SEMA3A: variants seen among roughly 807,000 people sequenced by gnomAD.
SEMA3A encodes the protein semaphorin 3A, also known as semaphorin-3A.
A neutral mutation model predicts 97.9 loss-of-function variants in SEMA3A; 29 were observed. That is an observed-to-expected ratio of 0.30 (90% CI 0.22 to 0.40). The LOEUF (loss-of-function observed/expected upper bound fraction) is 0.40, where lower values mean the gene tolerates loss of function less well. SEMA3A is among the 10% of genes least tolerant of loss of function. The pLI, the probability that SEMA3A is intolerant of heterozygous loss-of-function variation, is 1.00. For missense variants in SEMA3A, 763 were observed against 951.3 expected, an observed-to-expected ratio of 0.80 and a Z score of 2.60; for synonymous variants, 321 against 323.7, an observed-to-expected ratio of 0.99 and a Z score of 0.09.
chr7:84,001,340 T>G (rs2116385607), intron 12 of SEMA3A, among the ~76,000 whole-genome samples: 3 of 141,372 alleles, frequency 2.1e-5, no homozygotes, highest in South Asian at 2.6e-4. Flanking sequence ...CGTACCCCCA[T>G]TCCTCCAACC....
intron 1 of SEMA3A, among the ~76,000 whole-genome samples, chr7:84,135,850 T>A (rs533151079): frequency 6.6e-6 from 1 of 152,316 alleles, no homozygotes; most frequent in Admixed American, 6.5e-5. Flanking sequence ...TGAATTAAAT[T>A]AATTTTACCA....
At chr7:84,158,147 T>TG (rs1796906521) in intron 1 of SEMA3A, among the ~76,000 whole-genome samples, 2 of 139,316 alleles carry the variant, frequency 1.4e-5, no homozygotes, top group Non-Finnish European at 3.1e-5. Flanking sequence ...AACAGCTAAT[T>TG]CTTTTTTTTT....
rs767094428 is a variant in SEMA3A, at chr7:84,014,277, G to A, written c.742C>T (p.Arg248Cys). ...TGTTCTCCATCTATTGCATTTTCACGGAAGAAAAAGTATACTTTGTCATCT... is the reference window on the plus strand; with the variant it reads ...TGTTCTCCATCTATTGCATTTTCACAGAAGAAAAAGTATACTTTGTCATCT... ...PEDDKVYFFF[R>C]ENAIDGEHSG... The change falls in exon 7 of 17, where the codon CGT becomes TGT. Residue 248 changes from arginine (R) to cysteine (C), a missense_variant. Arg to Cys is a radical substitution (Grantham distance 180). Transcript: ENST00000265362. The A allele has an allele frequency of 1.4e-5, 23 of 1,612,486 alleles. No homozygotes were observed. In the South Asian group the frequency reaches 1.6e-4, roughly 12 times the overall value.
chr7:83,999,136 T>C (rs1262968725), intron 12 of SEMA3A, among the ~76,000 whole-genome samples: 2 of 152,204 alleles, frequency 1.3e-5, no homozygotes, highest in Non-Finnish European at 2.9e-5. Flanking sequence ...CCCATTATAA[T>C]CTTATGGGAC....
At position 83,984,348 on chromosome 7, in the gene SEMA3A, C is replaced by T. The variant is rs565654011; in HGVS notation, c.1494+1088G>A. 2.6e-5 allele frequency among the ~76,000 whole-genome samples: 4 copies of T among 152,200 alleles called. No homozygotes were observed. The South Asian group carries it at 6.2e-4, about 24-fold the overall frequency. On this transcript the variant is annotated intron_variant, in intron 13 of 16. Coordinates refer to ENST00000265362, the MANE Select transcript of SEMA3A (RefSeq NM_006080.3). The stretch of plus-strand genomic sequence containing the variant: ...TGTAAGATAACAGTATCAGGTCAAT[C>T]GTATCTGCACTCTGGGTTGCTCTAA...
At chr7:84,326,200 T>C (rs1223226243) in intron 2 of SEMA3A, among the ~76,000 whole-genome samples, 2 of 152,096 alleles carry the variant, frequency 1.3e-5, no homozygotes, top group Non-Finnish European at 2.9e-5. Flanking sequence ...TGGAGATAAT[T>C]TAGAGAGCTT....
intron 6 of SEMA3A, among the ~76,000 whole-genome samples, chr7:84,027,329 A>T (rs1239438777): frequency 6.6e-6 from 1 of 152,152 alleles, no homozygotes. Context: ...TCCTTTACCA[A>T]GAATCATGAC....
chr7:84,366,661 T>C (rs1010431868), intron 2 of SEMA3A, among the ~76,000 whole-genome samples: 1 of 151,306 alleles, frequency 6.6e-6, no homozygotes, highest in South Asian at 2.1e-4. Flanking sequence ...TCTGCCTTAA[T>C]AGGTGAGCAC....
chr7:84,232,466 C>T (rs1799138137), intron 3 of SEMA3A, among the ~76,000 whole-genome samples: 1 of 151,370 alleles, frequency 6.6e-6, no homozygotes, highest in Non-Finnish European at 1.5e-5. Context: ...CACACACACA[C>T]ACACATCAGT....
chr7:84,279,144 T>C (rs1333964903), intron 3 of SEMA3A, among the ~76,000 whole-genome samples: 1 of 152,174 alleles, frequency 6.6e-6, no homozygotes, highest in Non-Finnish European at 1.5e-5. Context: ...GATATGTATT[T>C]AGTTTCAAAG....
At chr7:84,039,558 G>A (rs919672719) in intron 6 of SEMA3A, among the ~76,000 whole-genome samples, 2 of 152,124 alleles carry the variant, frequency 1.3e-5, no homozygotes, top group African/African-American at 4.8e-5. Context: ...TTTGAGTATG[G>A]TAGAGTTTAA....
At chr7:84,064,336 C>G (rs967362161) in intron 4 of SEMA3A, among the ~76,000 whole-genome samples, 3 of 152,062 alleles carry the variant, frequency 2.0e-5, no homozygotes, top group Admixed American at 6.5e-5. Context: ...TAAACACCAT[C>G]AAGACTAGGA....
chr7:84,380,650 A>T (rs1266524317), intron 1 of SEMA3A, among the ~76,000 whole-genome samples: 1 of 152,256 alleles, frequency 6.6e-6, no homozygotes, highest in Non-Finnish European at 1.5e-5. Context: ...TGAAAGCAAC[A>T]TAAATTTATT....
intron 1 of SEMA3A, among the ~76,000 whole-genome samples, chr7:84,162,276 T>C (rs1041715396): frequency 6.6e-6 from 1 of 152,098 alleles, no homozygotes; most frequent in African/African-American, 2.4e-5. Context: ...TTATGCTCTG[T>C]GAGTGGCTAG....
At chr7:84,096,860 G>C (rs1292816933) in intron 4 of SEMA3A, among the ~76,000 whole-genome samples, 2 of 100,852 alleles carry the variant, frequency 2.0e-5, no homozygotes, top group African/African-American at 7.1e-5. Flanking sequence ...CATTCTGTTA[G>C]ATAAATTATT....
chr7:84,010,805 C>T (rs1368088981), intron 9 of SEMA3A, among the ~76,000 whole-genome samples: 1 of 152,060 alleles, frequency 6.6e-6, no homozygotes, highest in East Asian at 1.9e-4. Flanking sequence ...CTGTTTATTA[C>T]ATATTCACAT....
chr7:83,970,485 T>C (rs777348720), intron 15 of SEMA3A, among the ~76,000 whole-genome samples: 29 of 152,290 alleles, frequency 1.9e-4, no homozygotes, highest in Non-Finnish European at 3.5e-4. Context: ...ACCCCATAAA[T>C]GTCTCGCAAG....
intron 3 of SEMA3A, among the ~76,000 whole-genome samples, chr7:84,292,632 T>C (rs550277057): frequency 6.6e-6 from 1 of 152,036 alleles, no homozygotes; most frequent in South Asian, 2.1e-4. Flanking sequence ...AATGCACAAA[T>C]TGGGGTTGGG....
chr7:84,082,164 A>G (rs1794187895), intron 4 of SEMA3A, among the ~76,000 whole-genome samples: 1 of 152,188 alleles, frequency 6.6e-6, no homozygotes, highest in African/African-American at 2.4e-5. Context: ...CTTTAATGTC[A>G]TTCTCTTCTA....
Sources: allele counts gnomAD v4.1 joint callset (sites outside exome capture counted in the v4.1 genomes callset), GRCh38; gene constraint gnomAD v4.1.1; transcripts MANE v1.5; gene names NCBI Gene and HGNC (gene_info 2026-07-23, HGNC 2026-07-21).